PRKAG2: variants seen among roughly 807,000 people sequenced by gnomAD.
PRKAG2 encodes the protein protein kinase AMP-activated non-catalytic subunit gamma 2, also known as 5'-AMP-activated protein kinase subunit gamma-2.
PRKAG2 carries 26 observed loss-of-function variants against 69.6 expected under a neutral mutation model. That is an observed-to-expected ratio of 0.37 (90% CI 0.27 to 0.52). The LOEUF is 0.52. PRKAG2 is among the 20% of genes least tolerant of loss of function. The probability of loss-of-function intolerance (pLI) is 0.90; values close to 1 mark genes in which losing one functional copy is unlikely to be tolerated. For missense variants in PRKAG2, 557 were observed against 740.0 expected (o/e 0.75, Z 2.87); for synonymous variants, 293 against 285.0 (o/e 1.03, Z -0.28).
intron 1 of PRKAG2, among the ~76,000 whole-genome samples, chr7:151,816,586 G>A (rs768583153): frequency 6.6e-5 from 10 of 152,210 alleles, no homozygotes; most frequent in Non-Finnish European, 7.3e-5. Context: ...TGGGATGTGC[G>A]GGATTATTCT....
At chr7:151,558,859 A>C in intron 15 of PRKAG2, 2 of 985,464 alleles carry the variant, frequency 2.0e-6, no homozygotes, top group Non-Finnish European at 2.4e-6. Flanking sequence ...ATTTGAACTC[A>C]TCCAGCACAA....
At chr7:151,873,745 G>T (rs35697533) in intron 1 of PRKAG2, among the ~76,000 whole-genome samples, 25,439 of 152,108 alleles carry the variant, frequency 0.17, 2,324 homozygotes, top group East Asian at 0.24. Context: ...GTTTTTCAAC[G>T]TTCACGGCCT....
At chr7:151,558,873 T>G (rs1256961764) in intron 15 of PRKAG2, 3 of 985,284 alleles carry the variant, frequency 3.0e-6, no homozygotes, top group Non-Finnish European at 3.6e-6. Context: ...AGCACAACCG[T>G]TCATTCTTAT....
chr7:151,666,717 G>A (rs536683101), intron 4 of PRKAG2, among the ~76,000 whole-genome samples: 1 of 152,264 alleles, frequency 6.6e-6, no homozygotes, highest in South Asian at 2.1e-4. Context: ...TTGGCAAGGG[G>A]CCGTAGTTCC....
intron 1 of PRKAG2, among the ~76,000 whole-genome samples, chr7:151,855,222 C>T (rs760850558): frequency 9.0e-4 from 84 of 93,764 alleles, no homozygotes; most frequent in Non-Finnish European, 1.2e-3. Context: ...ACACACACCA[C>T]GCTCCACACA....
intron 4 of PRKAG2, among the ~76,000 whole-genome samples, chr7:151,649,686 A>T (rs189474140): frequency 1.7e-4 from 26 of 152,238 alleles, no homozygotes; most frequent in Non-Finnish European, 2.6e-4. Flanking sequence ...GTTGTTCAAA[A>T]GCATGCAGTG....
At chr7:151,776,169 G>A (rs951482295) in intron 3 of PRKAG2, among the ~76,000 whole-genome samples, 1 of 152,188 alleles carries the variant, frequency 6.6e-6, no homozygotes. Flanking sequence ...GCACCAACAT[G>A]AGCAATTGCC....
chr7:151,622,063 T>C (rs1402418056), intron 5 of PRKAG2, among the ~76,000 whole-genome samples: 2 of 152,224 alleles, frequency 1.3e-5, no homozygotes, highest in African/African-American at 4.8e-5. Context: ...TTGTAGTTGA[T>C]TTCACTGATC....
Position 151,632,190 on chromosome 7 carries a change from C to A in PRKAG2, c.685-52G>T. ...CAGCATGAGCTGCGACGCTCGTCCC[C>A]GGCCGGCGGGCTCGCGGCCGGCCGA... On this transcript the variant is annotated intron_variant, in intron 4 of 15. Transcript: ENST00000287878. The surrounding 1 kb of genome is among the most constrained non-coding windows in gnomAD (Gnocchi z 4.2). 8.2e-7 allele frequency: 1 copy of A among 1,212,608 alleles called. No homozygotes were observed. Among genetic ancestry groups the A allele is most frequent in the Non-Finnish European group, 1.0e-6 (1 of 968,868 alleles). The allele number at this position is 1,212,608 out of a possible 1,614,324, so 75.1% of individuals were successfully genotyped here.
intron 15 of PRKAG2, chr7:151,558,562 C>G: frequency 1.1e-6 from 1 of 910,342 alleles, no homozygotes; most frequent in Non-Finnish European, 1.3e-6. Context: ...CGGTGGGGGC[C>G]TCCTCACTTG....
intron 1 of PRKAG2, chr7:151,790,406 T>A (rs960862331): frequency 6.6e-6 from 1 of 152,268 alleles, no homozygotes; most frequent in Non-Finnish European, 1.5e-5. Flanking sequence ...TACACCTTTA[T>A]TACCAGACTG....
At chr7:151,566,527 C>T (rs765728542) in intron 11 of PRKAG2, 1 of 424,054 alleles carries the variant, frequency 2.4e-6, no homozygotes, top group South Asian at 1.7e-5. Context: ...AGTCTAGGAT[C>T]ATGTTTGAGT....
At chr7:151,597,884 A>G (rs1270121299) in intron 5 of PRKAG2, among the ~76,000 whole-genome samples, 1 of 140,994 alleles carries the variant, frequency 7.1e-6, no homozygotes, top group Non-Finnish European at 1.5e-5. Context: ...TAGAGCCATT[A>G]TAGAAAACAG....
chr7:151,701,774 C>T lies in PRKAG2; in HGVS notation c.467-26137G>A, dbSNP rs528397359. On this transcript the variant is annotated intron_variant, in intron 3 of 15. Transcript: ENST00000287878. ...AGGAGAATGGCGTGAACCCGTGAAG[C>T]GGGGGTTGCAGTGAGCCGAGATTGC... 1.7e-3 allele frequency among the ~76,000 whole-genome samples: 248 copies of T among 147,750 alleles called. 1 individual carries two copies. The highest frequency in any genetic ancestry group is 6.1e-3 in the African/African-American group (237 of 39,038).
rs773031878 is a variant in PRKAG2 at position 151,699,486 on chromosome 7, G to GC, written c.467-23850dup. 4.6e-5 allele frequency among the ~76,000 whole-genome samples: 7 copies of GC among 152,230 alleles called. No individual in the cohort carries two copies. Among genetic ancestry groups the GC allele is most frequent in the Non-Finnish European group, 1.0e-4 (7 of 68,038 alleles). On this transcript the variant is annotated intron_variant, in intron 3 of 15. Coordinates refer to ENST00000287878, the MANE Select transcript of PRKAG2 (RefSeq NM_016203.4). This position sits in a 1 kb window ranked among gnomAD's most constrained non-coding sequence, Gnocchi z 4.5. ...TTTATCATGAAGGCCAGCACAGGAGGCCCCTCCTTCCTGTTGGAGATGTTT... is the reference window on the plus strand; with the variant it reads ...TTTATCATGAAGGCCAGCACAGGAGGCCCCCTCCTTCCTGTTGGAGATGTTT...
Position 151,876,828 on chromosome 7 carries a change from C to T in PRKAG2, c.-208G>A, listed in dbSNP as rs1289069776. 3.2e-6 allele frequency: 2 copies of T among 622,960 alleles called. No homozygotes were observed. The highest frequency in any genetic ancestry group is 2.8e-5 in the East Asian group (1 of 35,772). The allele number at this position is 622,960 out of a possible 1,614,324, so 38.6% of individuals were successfully genotyped here. On this transcript the variant is annotated 5_prime_UTR_variant, in exon 1 of 16. Coordinates refer to ENST00000287878, the MANE Select transcript of PRKAG2 (RefSeq NM_016203.4). The stretch of plus-strand genomic sequence containing the variant: ...CGCCGAATTCAAGCGTCCTTTCCTA[C>T]GGAACCCTCGTAGGCAAATCAGTCA...
chr7:151,676,360 C>A (rs756053725), intron 3 of PRKAG2, among the ~76,000 whole-genome samples: 2 of 151,608 alleles, frequency 1.3e-5, no homozygotes, highest in East Asian at 1.9e-4. Context: ...GACTTCACTG[C>A]GAAGATAAAT....
Position 151,807,400 on chromosome 7 carries a change from T to C in PRKAG2, c.115-20859A>G. On this transcript the variant is annotated intron_variant, in intron 1 of 15. Coordinates refer to ENST00000287878, the MANE Select transcript of PRKAG2 (RefSeq NM_016203.4). The surrounding 1 kb of genome is among the most constrained non-coding windows in gnomAD (Gnocchi z 4.4). ...GAGTGGAATTTTCAGGAAGCAGCTG[T>C]GCTGTGGGTGACGGTCATACTTTAT... The C allele has an allele frequency of 2.2e-6, 1 of 457,644 alleles. No individual in the cohort carries two copies. Among genetic ancestry groups the C allele is most frequent in the Non-Finnish European group, 4.4e-6 (1 of 226,808 alleles). 28.3% of individuals were successfully genotyped at this position (457,644 alleles called of 1,614,324 possible).
At chr7:151,571,001 C>T (rs1306491610) in intron 9 of PRKAG2, among the ~76,000 whole-genome samples, 1 of 151,858 alleles carries the variant, frequency 6.6e-6, no homozygotes, top group African/African-American at 2.4e-5. Context: ...GCACTCCTGA[C>T]CTCAAGTGAT....
Sources: allele counts gnomAD v4.1 joint callset (sites outside exome capture counted in the v4.1 genomes callset), GRCh38; gene constraint gnomAD v4.1.1; non-coding constraint Gnocchi (gnomAD v3.1); transcripts MANE v1.5; gene names NCBI Gene and HGNC (gene_info 2026-07-23, HGNC 2026-07-21).